Variants in CALN1 observed in about 807,000 individuals in gnomAD.
CALN1 encodes calcium-binding protein 8.
A neutral mutation model predicts 30.6 loss-of-function variants in CALN1; 17 were observed. That is an observed-to-expected ratio of 0.56 (90% CI 0.38 to 0.83). The LOEUF is 0.83. Among genes scored for constraint, CALN1 ranks in the 40% least tolerant of loss-of-function variants. CALN1 has a pLI of 0.00. For synonymous variants in CALN1, 156 were observed against 131.4 expected (o/e 1.19, Z -1.28); for missense variants, 291 against 354.9 (o/e 0.82, Z 1.45).
chr7:72,174,799 T>A (rs1331951482), intron 3 of CALN1, among the ~76,000 whole-genome samples: 1 of 152,230 alleles, frequency 6.6e-6, no homozygotes, highest in Admixed American at 6.5e-5. Context: ...TTTTGGGGTG[T>A]GATGGAAATC....
intron 2 of CALN1, among the ~76,000 whole-genome samples, chr7:72,310,195 A>G (rs1483268696): frequency 6.6e-6 from 1 of 151,580 alleles, no homozygotes; most frequent in Non-Finnish European, 1.5e-5. Context: ...AAGCCCCCTG[A>G]CCTAGTCCTG....
intron 4 of CALN1, among the ~76,000 whole-genome samples, chr7:72,075,558 G>GAA (rs1274653490): frequency 1.3e-5 from 2 of 152,224 alleles, no homozygotes; most frequent in African/African-American, 4.8e-5. Flanking sequence ...CGGCCACAGA[G>GAA]AAAGTGCTCA....
At chr7:72,451,575 C>T (rs1474219119), upstream of CALN1, among the ~76,000 whole-genome samples, 1 of 152,056 alleles carries the variant, frequency 6.6e-6, no homozygotes, top group Admixed American at 6.6e-5. Context: ...CTCATGTCTA[C>T]CTTGACCTAT....
chr7:71,843,373 C>T (rs376788534), intron 5 of CALN1, among the ~76,000 whole-genome samples: 1 of 151,984 alleles, frequency 6.6e-6, no homozygotes, highest in East Asian at 1.9e-4. Context: ...AATCCTAGCG[C>T]CTTGGGAGGC....
intron 5 of CALN1, among the ~76,000 whole-genome samples, chr7:71,969,282 C>A (rs964574427): frequency 1.3e-5 from 2 of 152,100 alleles, no homozygotes; most frequent in African/African-American, 2.4e-5. Flanking sequence ...GCAAGCAGGG[C>A]ACTGGGTGTC....
At chr7:72,156,746 T>C (rs1279246142) in intron 3 of CALN1, among the ~76,000 whole-genome samples, 1 of 152,228 alleles carries the variant, frequency 6.6e-6, no homozygotes, top group Non-Finnish European at 1.5e-5. Flanking sequence ...CTCTGAGGGA[T>C]GCACCTCCCG....
At chr7:72,102,608 G>A (rs943872145) in intron 4 of CALN1, among the ~76,000 whole-genome samples, 1 of 152,150 alleles carries the variant, frequency 6.6e-6, no homozygotes, top group African/African-American at 2.4e-5. Flanking sequence ...CTACAACACA[G>A]GTGAACCTTG....
intron 5 of CALN1, among the ~76,000 whole-genome samples, chr7:71,995,081 T>C (rs10264567): frequency 0.057 from 8,728 of 152,234 alleles, 785 homozygotes; most frequent in African/African-American, 0.2. Flanking sequence ...CTTGATCTCC[T>C]GACCTCATGA....
In CALN1 at chr7:72,309,530, C is replaced by T. The variant is rs569648284; in HGVS notation, c.120-30720G>A. 1.1e-4 allele frequency among the ~76,000 whole-genome samples: 16 copies of T among 151,992 alleles called. No individual in the cohort carries two copies. The South Asian group carries it at 1.7e-3, about 16-fold the overall frequency. On this transcript the variant is annotated intron_variant, in intron 2 of 6. Coordinates refer to ENST00000395275, the MANE Select transcript of CALN1 (RefSeq NM_031468.4). ...GGGAGGGGGGCTCACAAGGGTTACA[C>T]GGGACTCAAGGAACGGCAACATGCG...
At chr7:72,095,682 A>G (rs941787158) in intron 4 of CALN1, among the ~76,000 whole-genome samples, 1 of 152,218 alleles carries the variant, frequency 6.6e-6, no homozygotes, top group Non-Finnish European at 1.5e-5. Flanking sequence ...AGTGTGCCTC[A>G]GACTAGGGTA....
rs1302869279 is a variant in CALN1, at chr7:71,782,852, C to T, written c.*4923G>A. The T allele has an allele frequency of 6.6e-6, 1 of 152,160 alleles. No individual in the cohort carries two copies. The highest frequency in any genetic ancestry group is 6.5e-5 in the Admixed American group (1 of 15,276). The allele number at this position is 152,160 out of a possible 1,614,324, so 9.4% of individuals were successfully genotyped here. On this transcript the variant is annotated 3_prime_UTR_variant, in exon 7 of 7. Coordinates refer to ENST00000395275, the MANE Select transcript of CALN1 (RefSeq NM_031468.4). ...CCGCCTCCAGGGTTCAAGTGATTCT[C>T]CCTCCTCAGCCTCCAGAGTAGCTAG...
chr7:71,976,399 C>A (rs948360040), intron 5 of CALN1, among the ~76,000 whole-genome samples: 2 of 152,184 alleles, frequency 1.3e-5, no homozygotes, highest in Non-Finnish European at 2.9e-5. Flanking sequence ...CAGCACTGAG[C>A]CTGGCTCCTT....
At chr7:72,110,227 C>T (rs1358599699) in intron 3 of CALN1, among the ~76,000 whole-genome samples, 1 of 152,130 alleles carries the variant, frequency 6.6e-6, no homozygotes, top group Non-Finnish European at 1.5e-5. Context: ...TTGGGCGACA[C>T]CCCAGCGGGC....
chr7:72,460,411 A>C, the CALN1 span, among the ~76,000 whole-genome samples: 5 of 151,752 alleles, frequency 3.3e-5, no homozygotes, highest in Admixed American at 6.6e-5. Context: ...GTGGGTGGAT[A>C]ACCTGAGGTC....
intron 2 of CALN1, among the ~76,000 whole-genome samples, chr7:72,339,298 G>A (rs1368228804): frequency 2.0e-5 from 3 of 152,042 alleles, no homozygotes; most frequent in Non-Finnish European, 2.9e-5. Flanking sequence ...ATACCTCTTC[G>A]ATATACTAAT....
chr7:71,921,383 A>T (rs1794938174), intron 5 of CALN1, among the ~76,000 whole-genome samples: 1 of 152,202 alleles, frequency 6.6e-6, no homozygotes, highest in African/African-American at 2.4e-5. Flanking sequence ...CCTTGTAAGT[A>T]AGTTATATAG....
intron 4 of CALN1, among the ~76,000 whole-genome samples, chr7:72,034,601 G>A (rs377199133): frequency 2.0e-4 from 31 of 151,756 alleles, no homozygotes; most frequent in African/African-American, 7.5e-4. Context: ...AGACCAGCCT[G>A]GCCAAGATGG....
chr7:72,029,190 G>A (rs1801281194), intron 4 of CALN1, among the ~76,000 whole-genome samples: 4 of 151,480 alleles, frequency 2.6e-5, no homozygotes, highest in Admixed American at 1.3e-4. Context: ...GCAGTGGCAC[G>A]ATCTCAGCTC....
chr7:72,039,156 G>A (rs1471375711), intron 4 of CALN1, among the ~76,000 whole-genome samples: 1 of 152,078 alleles, frequency 6.6e-6, no homozygotes, highest in Admixed American at 6.5e-5. Context: ...CTTTTTACCT[G>A]TTCAAAAAGT....
Sources: gnomAD v4.1 joint callset for allele counts (sites outside exome capture counted in the v4.1 genomes callset) on GRCh38, gnomAD v4.1.1 for gene constraint, MANE v1.5 for transcripts, NCBI Gene and HGNC (gene_info 2026-07-23, HGNC 2026-07-21) for gene names.